IBTK: variants seen among roughly 807,000 people sequenced by gnomAD.
IBTK encodes the protein inhibitor of Bruton tyrosine kinase.
IBTK carries 83 observed loss-of-function variants against 154.9 expected under a neutral mutation model. The ratio of observed to expected loss-of-function variants is 0.54; its 90% CI spans 0.45 to 0.64. The LOEUF (loss-of-function observed/expected upper bound fraction) is 0.64. IBTK is among the 30% of genes least tolerant of loss of function. The pLI is 0.00. For missense variants in IBTK, 1,332 were observed against 1,584.6 expected (o/e 0.84, Z 2.71); for synonymous variants, 515 against 536.1 (o/e 0.96, Z 0.54).
At chr6:82,192,507 G>A (rs1356259794) in intron 23 of IBTK, among the ~76,000 whole-genome samples, 1 of 152,162 alleles carries the variant, frequency 6.6e-6, no homozygotes, top group Non-Finnish European at 1.5e-5. Context: ...AGTACTTTGG[G>A]AGGCCGAGGC....
chr6:82,198,523 A>G (rs1769086147), intron 21 of IBTK, among the ~76,000 whole-genome samples: 2 of 152,212 alleles, frequency 1.3e-5, no homozygotes, highest in Admixed American at 1.3e-4. Flanking sequence ...TTTAGTGAAC[A>G]TATCAAGCAC....
chr6:82,202,544 C>G lies in IBTK; in HGVS notation c.2713G>C (p.Ala905Pro), dbSNP rs1181019232. 2 of 1,600,924 alleles carry G rather than the reference C, an allele frequency of 1.2e-6. No homozygotes were observed. Among genetic ancestry groups the G allele is most frequent in the African/African-American group, 2.7e-5 (2 of 74,416 alleles). Residue 905 changes from alanine to proline, a missense_variant, in exon 18 of 29, where the codon GCT becomes CCT. Coordinates refer to ENST00000306270, the MANE Select transcript of IBTK (RefSeq NM_015525.4). ...CTCACCTACCTTGCTTCAAGTAAAG[C>G]TGCCATATTCAATCCTATAAACTGT... ...CLQFIGLNMA[A>P]LLEARSLDVL... is the part of the protein sequence containing the mutation.
At chr6:82,171,619 T>A in intron 28 of IBTK, 63 bp from the exon 29 acceptor site, 2 of 1,427,838 alleles carry the variant, frequency 1.4e-6, no homozygotes, top group East Asian at 2.5e-5. Flanking sequence ...CAGGATGTAT[T>A]TGCCTTCCAA....
chr6:82,204,750 C>G, intron 17 of IBTK, 107 bp downstream of exon 17: 1 of 538,990 alleles, frequency 1.9e-6, no homozygotes, highest in Non-Finnish European at 3.1e-6. Flanking sequence ...TTCGTGGTAC[C>G]AAAAAAATGG....
intron 10 of IBTK, among the ~76,000 whole-genome samples, chr6:82,217,095 A>G (rs1356038042): frequency 1.3e-4 from 20 of 152,204 alleles, no homozygotes; most frequent in Non-Finnish European, 4.4e-5. Context: ...GAAAGAGAAC[A>G]AAACTTGATG....
chr6:82,223,960 C>CA (rs1391018667), intron 7 of IBTK, 108 bp downstream of exon 7: 7 of 716,424 alleles, frequency 9.8e-6, no homozygotes, highest in African/African-American at 1.8e-5. Context: ...AACAAACAAA[C>CA]AAAAAATCAC....
intron 25 of IBTK, among the ~76,000 whole-genome samples, chr6:82,187,379 C>G (rs1383652865): frequency 6.6e-6 from 1 of 152,076 alleles, no homozygotes; most frequent in Non-Finnish European, 1.5e-5. Context: ...GCTCATGTTG[C>G]TATTACCAAG....
chr6:82,234,974 A>T (rs1432921176), intron 2 of IBTK, among the ~76,000 whole-genome samples: 1 of 150,936 alleles, frequency 6.6e-6, no homozygotes, highest in Non-Finnish European at 1.5e-5. Flanking sequence ...AATTCTCCTG[A>T]CTCAGCCTCC....
At position 82,180,310 on chromosome 6, in the gene IBTK, A is replaced by G. The variant is rs528177213; in HGVS notation, c.3725+1569T>C. On this transcript the variant is annotated intron_variant, in intron 26 of 28. Transcript: ENST00000306270. ...ACTCAGGCTGGAGTGCAGTGGCACA[A>G]TCATGGCTAACTGCAGCCTTTACCT... Among the ~76,000 whole-genome samples, 3 of 152,200 alleles carry G rather than the reference A, an allele frequency of 2.0e-5. No homozygotes were observed. The East Asian group carries it at 5.8e-4, about 29-fold the overall frequency.
chr6:82,183,561 T>C (rs1165169599), intron 25 of IBTK, among the ~76,000 whole-genome samples: 2 of 152,190 alleles, frequency 1.3e-5, no homozygotes, highest in Admixed American at 6.5e-5. Flanking sequence ...ATAGACTATA[T>C]CTATTTTAAA....
chr6:82,176,710 G>T lies in IBTK; in HGVS notation c.3726-3272C>A, dbSNP rs553850385. Among the ~76,000 whole-genome samples the T allele has an allele frequency of 5.5e-4, 84 of 152,080 alleles. 1 individual carries two copies. The highest frequency in any genetic ancestry group is 1.9e-3 in the African/African-American group (80 of 41,480). On this transcript the variant is annotated intron_variant, in intron 26 of 28. Coordinates refer to ENST00000306270, the MANE Select transcript of IBTK (RefSeq NM_015525.4). ...GATGTTAACACCCTCAAACAACATT[G>T]TCATTCTTGCCCTAACCTTGGAAAA...
intron 1 of IBTK, among the ~76,000 whole-genome samples, 178 bp from the exon 2 acceptor site, chr6:82,241,021 G>A (rs1047003441): frequency 7.2e-5 from 11 of 152,004 alleles, no homozygotes; most frequent in East Asian, 1.9e-4. Flanking sequence ...CAAGGTCATC[G>A]CCAAGATCTG....
At chr6:82,220,971 CACACACACAT>C (rs1770076977) in intron 8 of IBTK, among the ~76,000 whole-genome samples, 1 of 151,780 alleles carries the variant, frequency 6.6e-6, no homozygotes, top group South Asian at 2.1e-4. Flanking sequence ...CACACACACA[CACACACACAT>C]TAAATGCCTG....
At position 82,211,521 on chromosome 6, in the gene IBTK, A is replaced by C; in HGVS notation, c.2343T>G (p.Pro781=). The C allele has an allele frequency of 6.2e-7, 1 of 1,613,842 alleles. No homozygotes were observed. The highest frequency in any genetic ancestry group is 8.5e-7 in the Non-Finnish European group (1 of 1,179,794). The change falls in exon 14 of 29, where the codon CCT becomes CCG. Residue 781 remains proline (P), a synonymous_variant. Transcript: ENST00000306270. ...TAGCACAAAGAACACATTTATGACA[A>C]GGAAATTCCTTTCCATCCACTGATT... is the stretch of plus-strand genomic sequence containing the variant. ...TMKSVDGKEF[P]CHKCVLCARL...
rs1374138035 is a variant in IBTK, at chr6:82,191,830, C to T, written c.3388G>A (p.Glu1130Lys). 1 of 1,611,890 alleles carries T rather than the reference C, an allele frequency of 6.2e-7. No homozygotes were observed. ...GTAGCTCCACATTTTTGTCTACTTT[C>T]TTCTATTTCCATGATAGTTCTGAGA... is the stretch of plus-strand genomic sequence containing the variant. ...VDLRTIMEIE[E>K]SRQKCGATPK... The change falls in exon 24 of 29, where the codon GAA (glutamate) becomes AAA (lysine). Residue 1130 changes from glutamate (E) to lysine (K), a missense_variant. Coordinates refer to ENST00000306270, the MANE Select transcript of IBTK (RefSeq NM_015525.4).
chr6:82,228,728 T>C (rs1223529183), intron 4 of IBTK, among the ~76,000 whole-genome samples: 1 of 151,968 alleles, frequency 6.6e-6, no homozygotes, highest in Non-Finnish European at 1.5e-5. Flanking sequence ...TTCACGCTAT[T>C]CTCCTGCCTC....
chr6:82,235,652 A>C (rs1770687957), intron 2 of IBTK, among the ~76,000 whole-genome samples: 1 of 152,086 alleles, frequency 6.6e-6, no homozygotes, highest in African/African-American at 2.4e-5. Context: ...AAATCAGTTT[A>C]TTTAGTTTAT....
intron 26 of IBTK, among the ~76,000 whole-genome samples, chr6:82,178,210 T>C (rs1164141813): frequency 2.6e-5 from 4 of 152,188 alleles, no homozygotes; most frequent in Non-Finnish European, 5.9e-5. Flanking sequence ...TATATCATAC[T>C]GTCATAAACT....
At position 82,247,685 on chromosome 6, in the gene IBTK, C is replaced by G. The variant is rs1258958174; in HGVS notation, c.-481G>C. ...CGCCAGAGGGGCCAGTCCCCAGACC[C>G]GGGTCAGTTCGGCAGGCGGCTGCAA... is the stretch of plus-strand genomic sequence containing the variant. On this transcript the variant is annotated 5_prime_UTR_variant, in exon 1 of 29. Transcript: ENST00000306270. 5.0e-6 allele frequency: 2 copies of G among 398,728 alleles called. No homozygotes were observed. Among genetic ancestry groups the G allele is most frequent in the Non-Finnish European group, 8.8e-6 (2 of 226,276 alleles). The allele number at this position is 398,728 out of a possible 1,614,324, so 24.7% of individuals were successfully genotyped here.
Sources: allele counts gnomAD v4.1 joint callset (sites outside exome capture counted in the v4.1 genomes callset), GRCh38; gene constraint gnomAD v4.1.1; transcripts MANE v1.5; gene names NCBI Gene and HGNC (gene_info 2026-07-23, HGNC 2026-07-21).